The following FSIP2 variants were observed in gnomAD, a reference collection of about 807,000 sequenced individuals.
FSIP2 encodes the protein fibrous sheath interacting protein 2.
A neutral mutation model predicts 510.5 loss-of-function variants in FSIP2; 367 were observed. The ratio of observed to expected loss-of-function variants is 0.72; its 90% CI spans 0.66 to 0.78. The LOEUF is 0.78. Ranked by LOEUF, FSIP2 falls within the 30% of genes least tolerant of loss-of-function variation. FSIP2 has a pLI of 0.00. For missense variants in FSIP2, 7,594 were observed against 7,901.7 expected, an observed-to-expected ratio of 0.96 and a Z score of 1.48; for synonymous variants, 2,601 against 2,732.2, an observed-to-expected ratio of 0.95 and a Z score of 1.50.
chr2:185,746,524 C>A, intron 5 of FSIP2, 145 bp from the exon 6 acceptor site: 1 of 591,898 alleles, frequency 1.7e-6, no homozygotes, highest in Non-Finnish European at 2.8e-6. Flanking sequence ...GGTTTATAAA[C>A]AGGACTGACA....
At position 185,806,132 on chromosome 2, in the gene FSIP2, A is replaced by G. The variant is rs1221290359; in HGVS notation, c.16826A>G (p.Lys5609Arg). 18 of 1,574,810 alleles carry G rather than the reference A, an allele frequency of 1.1e-5. No individual in the cohort carries two copies. Among genetic ancestry groups the G allele is most frequent in the Non-Finnish European group, 1.5e-5 (18 of 1,167,618 alleles). ...GGATCAGATTCTGAAATAGGCTATA[A>G]AAAGAAGATTGACAATGCAAGGGAA... ...VLGSDSEIGY[K>R]KKIDNARESS... The change falls in exon 17 of 23, where the codon AAA becomes AGA. Residue 5609 changes from lysine (K) to arginine (R), a missense_variant. Transcript: ENST00000424728.
chr2:185,771,232 A>C (rs1157274260), intron 13 of FSIP2, among the ~76,000 whole-genome samples: 1 of 152,174 alleles, frequency 6.6e-6, no homozygotes, highest in African/African-American at 2.4e-5. Context: ...CTGTTCCCAC[A>C]GTTCCACTAG....
Position 185,801,190 on chromosome 2 carries a change from C to T in FSIP2, c.11884C>T (p.His3962Tyr), listed in dbSNP as rs960497590. Reference protein sequence around the residue: ...MDKVAIHNKLHQEGIYAGVYS... With the variant: ...MDKVAIHNKLYQEGIYAGVYS... ...TAAGGTAGCCATTCATAATAAGCTA[C>T]ATCAGGAAGGTATATATGCTGGTGT... Residue 3962 changes from histidine to tyrosine, a missense_variant, in exon 17 of 23, where the codon CAT becomes TAT. By Grantham distance (83) the His-to-Tyr change is moderately conservative. Coordinates refer to ENST00000424728, the MANE Select transcript of FSIP2 (RefSeq NM_173651.4). 4.0e-5 allele frequency: 61 copies of T among 1,534,048 alleles called. No homozygotes were observed. Among genetic ancestry groups the T allele is most frequent in the African/African-American group, 5.5e-5 (4 of 72,860 alleles).
chr2:185,813,469 T>A, intron 17 of FSIP2, 76 bp from the exon 18 acceptor site: 1 of 810,834 alleles, frequency 1.2e-6, no homozygotes, highest in Non-Finnish European at 1.8e-6. Flanking sequence ...TATAAGAAAA[T>A]AGCTACATCA....
At chr2:185,769,111 T>C (rs1335355851) in intron 13 of FSIP2, among the ~76,000 whole-genome samples, 1 of 152,194 alleles carries the variant, frequency 6.6e-6, no homozygotes, top group Non-Finnish European at 1.5e-5. Flanking sequence ...GCGTGTGTCT[T>C]TATGATAGAA....
At chr2:185,745,756 G>A (rs1016272308) in intron 5 of FSIP2, among the ~76,000 whole-genome samples, 188 bp downstream of exon 5, 8 of 152,050 alleles carry the variant, frequency 5.3e-5, no homozygotes, top group African/African-American at 9.7e-5. Context: ...GTTGCTGGAC[G>A]CCCAAGGGAT....
rs778660911 is a variant in FSIP2, at chr2:185,813,574, A to C, written c.19857A>C (p.Ile6619=). ...EAVARNSFQN[I]RKPDITKVEL... ...TTGCTAGAAATTCATTTCAGAATATAAGAAAGCCTGATATTACAAAGGTGG... is the reference window on the plus strand; with the variant it reads ...TTGCTAGAAATTCATTTCAGAATATCAGAAAGCCTGATATTACAAAGGTGG... The change falls in exon 18 of 23, where the codon ATA becomes ATC. Residue 6619 remains isoleucine, a synonymous_variant. Coordinates refer to ENST00000424728, the MANE Select transcript of FSIP2 (RefSeq NM_173651.4). 2 of 1,544,828 alleles carry C rather than the reference A, an allele frequency of 1.3e-6. No individual in the cohort carries two copies. Among genetic ancestry groups the C allele is most frequent in the South Asian group, 1.2e-5 (1 of 80,038 alleles).
chr2:185,828,722 G>T (rs1694057749), intron 21 of FSIP2, among the ~76,000 whole-genome samples: 1 of 151,832 alleles, frequency 6.6e-6, no homozygotes, highest in South Asian at 2.1e-4. Flanking sequence ...TGTGAGCCAA[G>T]AAAATTTCCT....
At chr2:185,784,543 C>T (rs569378059) in intron 14 of FSIP2, among the ~76,000 whole-genome samples, 100 of 152,016 alleles carry the variant, frequency 6.6e-4, no homozygotes, top group African/African-American at 2.3e-3. Context: ...GTCACAGATC[C>T]GAAAGACTTT....
At chr2:185,825,312 C>A (rs1450085197) in intron 20 of FSIP2, among the ~76,000 whole-genome samples, 1 of 151,684 alleles carries the variant, frequency 6.6e-6, no homozygotes, top group African/African-American at 2.4e-5. Context: ...TTTCATACAA[C>A]CATACTCATT....
chr2:185,816,821 A>G (rs1437887207), intron 19 of FSIP2, among the ~76,000 whole-genome samples: 4 of 151,292 alleles, frequency 2.6e-5, no homozygotes, highest in Admixed American at 2.0e-4. Flanking sequence ...TTGCCACTGC[A>G]CTTTAGCCTA....
chr2:185,831,929 T>C, intron 22 of FSIP2, 47 bp downstream of exon 22: 1 of 1,132,896 alleles, frequency 8.8e-7, no homozygotes, highest in Non-Finnish European at 1.3e-6. Context: ...AACTGTCAAT[T>C]GCATCATTTT....
chr2:185,805,299 A>G lies in FSIP2; in HGVS notation c.15993A>G (p.Leu5331=), dbSNP rs1318629988. The change falls in exon 17 of 23, where the codon TTA becomes TTG. Residue 5331 remains leucine (L), a synonymous_variant. Transcript: ENST00000424728. ...REFKKSDIKV[L]PNAEKMFSFP... is the part of the protein sequence containing the mutation. ...TTAAGAAAAGTGATATTAAAGTTTTACCAAATGCTGAAAAAATGTTTTCTT... is the reference window on the plus strand; with the variant it reads ...TTAAGAAAAGTGATATTAAAGTTTTGCCAAATGCTGAAAAAATGTTTTCTT... The G allele has an allele frequency of 6.3e-7, 1 of 1,596,154 alleles. No homozygotes were observed. Among genetic ancestry groups the G allele is most frequent in the East Asian group, 2.2e-5 (1 of 44,692 alleles).
At chr2:185,787,253 T>C (rs1693011488) in intron 15 of FSIP2, among the ~76,000 whole-genome samples, 3 of 151,792 alleles carry the variant, frequency 2.0e-5, no homozygotes, top group Admixed American at 2.0e-4. Flanking sequence ...TCTCAAAATA[T>C]GTGTTTAATG....
Position 185,802,924 on chromosome 2 carries a change from A to G in FSIP2, c.13618A>G (p.Ile4540Val), listed in dbSNP as rs534188386. ...CAAGTTTATTTATTCAGAAGATGAT[A>G]TTCAGCACCTTGTTGATTCAGTATT... ...ETKFIYSEDD[I>V]QHLVDSVFAN... The change falls in exon 17 of 23, where the codon ATT becomes GTT. Residue 4540 changes from isoleucine (I) to valine (V), a missense_variant. Ile to Val is a conservative substitution (Grantham distance 29). Transcript: ENST00000424728. The G allele has an allele frequency of 2.7e-5, 41 of 1,510,368 alleles. No homozygotes were observed. The African/African-American group carries it at 5.2e-4, about 19-fold the overall frequency. The allele number at this position is 1,510,368 out of a possible 1,614,324, so 93.6% of individuals were successfully genotyped here. A position where few individuals can be genotyped will look rare whatever the true frequency, so the allele number is the denominator to read the frequency against.
At chr2:185,799,325 A>G (rs927325988) in intron 16 of FSIP2, among the ~76,000 whole-genome samples, 1 of 151,798 alleles carries the variant, frequency 6.6e-6, no homozygotes, top group African/African-American at 2.4e-5. Flanking sequence ...CTATTTTAAA[A>G]TAATTATATG....
chr2:185,787,689 T>A (rs1219293406), intron 15 of FSIP2, among the ~76,000 whole-genome samples: 2 of 151,736 alleles, frequency 1.3e-5, no homozygotes, highest in Non-Finnish European at 3.0e-5. Flanking sequence ...ATGCATTTAT[T>A]TCTACCCATG....
At chr2:185,782,250 T>C (rs1243550290) in intron 13 of FSIP2, among the ~76,000 whole-genome samples, 1 of 151,734 alleles carries the variant, frequency 6.6e-6, no homozygotes, top group Non-Finnish European at 1.5e-5. Context: ...TTTTATAATA[T>C]AGACATGTTT....
chr2:185,826,462 T>TAA (rs1694013921), intron 20 of FSIP2, among the ~76,000 whole-genome samples: 1 of 151,826 alleles, frequency 6.6e-6, no homozygotes, highest in Non-Finnish European at 1.5e-5. Context: ...TATATCTGCA[T>TAA]TGTTCATTCC....
Sources: allele counts gnomAD v4.1 joint callset (sites outside exome capture counted in the v4.1 genomes callset), GRCh38; gene constraint gnomAD v4.1.1; transcripts MANE v1.5; gene names NCBI Gene and HGNC (gene_info 2026-07-23, HGNC 2026-07-21).